CLIP4: variants seen among roughly 807,000 people sequenced by gnomAD.
CLIP4 encodes the protein CAP-Gly domain-containing linker protein 4.
In CLIP4, 47 loss-of-function variants were observed where a neutral mutation model predicts 73.1. The ratio of observed to expected loss-of-function variants is 0.64; its 90% CI spans 0.51 to 0.82. The LOEUF is 0.82. CLIP4 is among the 40% of genes least tolerant of loss of function. The probability of loss-of-function intolerance (pLI) is 0.00; values close to 1 mark genes in which losing one functional copy is unlikely to be tolerated. For synonymous variants in CLIP4, 306 were observed against 295.4 expected (o/e 1.04, Z -0.37); for missense variants, 874 against 852.9 (o/e 1.02, Z -0.31).
At chr2:29,138,710 TC>T (rs1373899105) in intron 6 of CLIP4, among the ~76,000 whole-genome samples, 1 of 152,124 alleles carries the variant, frequency 6.6e-6, no homozygotes, top group Non-Finnish European at 1.5e-5. Context: ...AGATCTTCCA[TC>T]TCCTTGGTTA....
intron 2 of CLIP4, chr2:29,130,597 G>A: frequency 9.0e-7 from 1 of 1,114,756 alleles, no homozygotes; most frequent in African/African-American, 1.7e-5. Context: ...GGTTTGTCTT[G>A]GCTTCTATTT....
At chr2:29,178,768 C>T (rs910924018) in intron 15 of CLIP4, among the ~76,000 whole-genome samples, 21 of 152,098 alleles carry the variant, frequency 1.4e-4, no homozygotes, top group Admixed American at 7.2e-4. Flanking sequence ...TCTTTCTCTG[C>T]ATATATGTGT....
chr2:29,124,608 ACTG>A (rs1664478597), intron 2 of CLIP4, among the ~76,000 whole-genome samples: 2 of 32,532 alleles, frequency 6.1e-5, no homozygotes, highest in East Asian at 4.2e-3. Context: ...CCCATAACTC[ACTG>A]ATTTATTTTA....
chr2:29,149,451 C>T (rs139025885), intron 8 of CLIP4, among the ~76,000 whole-genome samples: 81 of 140,828 alleles, frequency 5.8e-4, no homozygotes, highest in African/African-American at 2.1e-3. Flanking sequence ...ATTTTTATTC[C>T]TTACCGATAT....
intron 14 of CLIP4, among the ~76,000 whole-genome samples, chr2:29,173,610 G>A (rs759787232): frequency 6.6e-6 from 1 of 152,136 alleles, no homozygotes; most frequent in Non-Finnish European, 1.5e-5. Flanking sequence ...TTGAAATTGT[G>A]CCTTTTGTGT....
At chr2:29,154,007 A>G (rs887919120) in intron 9 of CLIP4, among the ~76,000 whole-genome samples, 6 of 152,194 alleles carry the variant, frequency 3.9e-5, no homozygotes, top group African/African-American at 1.4e-4. Context: ...AATCAATGGG[A>G]AAGAACTGAC....
At chr2:29,179,971 T>C (rs1668553520) in intron 15 of CLIP4, among the ~76,000 whole-genome samples, 1 of 152,226 alleles carries the variant, frequency 6.6e-6, no homozygotes, top group Non-Finnish European at 1.5e-5. Flanking sequence ...AAATTAGTCA[T>C]CTTCCTTTCT....
intron 1 of CLIP4, among the ~76,000 whole-genome samples, chr2:29,117,997 A>G (rs1004228632): frequency 1.3e-5 from 2 of 152,234 alleles, no homozygotes; most frequent in African/African-American, 4.8e-5. Context: ...ATACCTGTTT[A>G]GTAGATTGTA....
intron 9 of CLIP4, among the ~76,000 whole-genome samples, chr2:29,155,185 C>T (rs1229650360): frequency 6.6e-6 from 1 of 152,140 alleles, no homozygotes; most frequent in African/African-American, 2.4e-5. Flanking sequence ...GTAGTCCCAG[C>T]TACTCTAGAG....
intron 2 of CLIP4, chr2:29,130,642 A>G: frequency 8.9e-7 from 1 of 1,122,138 alleles, no homozygotes; most frequent in Non-Finnish European, 1.1e-6. Context: ...TTGTTGTCTA[A>G]GCTTACGAAT....
At chr2:29,176,224 C>T (rs1490783938) in intron 15 of CLIP4, among the ~76,000 whole-genome samples, 2 of 152,170 alleles carry the variant, frequency 1.3e-5, no homozygotes, top group South Asian at 2.1e-4. Flanking sequence ...GGGCAGTGCT[C>T]GATGGCCTTC....
intron 9 of CLIP4, among the ~76,000 whole-genome samples, chr2:29,155,171 A>C (rs186191336): frequency 1.6e-3 from 237 of 152,254 alleles, no homozygotes; most frequent in Non-Finnish European, 2.9e-3. Flanking sequence ...TGTGGTGCAC[A>C]CCTGTAGTCC....
chr2:29,154,788 T>C (rs938830131), intron 9 of CLIP4, among the ~76,000 whole-genome samples: 1 of 152,136 alleles, frequency 6.6e-6, no homozygotes, highest in Non-Finnish European at 1.5e-5. Context: ...ACTACTGGGC[T>C]GCACAGCACA....
intron 8 of CLIP4, among the ~76,000 whole-genome samples, chr2:29,145,953 A>T (rs922407240): frequency 1.3e-5 from 2 of 152,216 alleles, no homozygotes; most frequent in Non-Finnish European, 2.9e-5. Context: ...AAGTGCAGGG[A>T]TTACAGGCAT....
chr2:29,131,489 G>C, intron 3 of CLIP4, 92 bp downstream of exon 3: 2 of 1,343,138 alleles, frequency 1.5e-6, no homozygotes, highest in South Asian at 3.0e-5. Context: ...GGTAATAAAG[G>C]AGAAACCCTT....
rs539517105 is a variant in CLIP4, at chr2:29,098,084, T to C, written c.-16+137T>C. Reference sequence around the variant, plus strand: ...ATGAGTGTGGGTTTCAGTAACTGGATATATAATGAGGCAACTTTGACATAT... The same window carrying C: ...ATGAGTGTGGGTTTCAGTAACTGGACATATAATGAGGCAACTTTGACATAT... On this transcript the variant is annotated intron_variant, in intron 1 of 14. Transcript: ENST00000401605. 2.6e-5 allele frequency: 4 copies of C among 152,330 alleles called. No homozygotes were observed. In the South Asian group the frequency reaches 6.2e-4, roughly 24 times the overall value. 9.4% of individuals were successfully genotyped at this position (152,330 alleles called of 1,614,324 possible). A position where few individuals can be genotyped will look rare whatever the true frequency, so the allele number is the denominator to read the frequency against.
chr2:29,113,027 C>T (rs1668422791), upstream of CLIP4, among the ~76,000 whole-genome samples: 1 of 152,216 alleles, frequency 6.6e-6, no homozygotes. This position sits in a 1 kb window ranked among gnomAD's most constrained non-coding sequence, Gnocchi z 4.0. Context: ...CCCCCAAAGA[C>T]AGCCTGTGTA....
upstream of CLIP4, among the ~76,000 whole-genome samples, chr2:29,111,102 C>T (rs1668376360): frequency 6.6e-6 from 1 of 152,114 alleles, no homozygotes; most frequent in South Asian, 2.1e-4. Context: ...GAGGCATATC[C>T]AGGAGGGTGA....
intron 2 of CLIP4, among the ~76,000 whole-genome samples, chr2:29,126,974 TG>T (rs1161581817): frequency 6.6e-6 from 1 of 152,176 alleles, no homozygotes; most frequent in African/African-American, 2.4e-5. Flanking sequence ...AATCTGATAA[TG>T]GGCGTACTTA....
Sources: gnomAD v4.1 joint callset for allele counts (sites outside exome capture counted in the v4.1 genomes callset) on GRCh38, gnomAD v4.1.1 for gene constraint, Gnocchi (gnomAD v3.1) non-coding constraint, MANE v1.5 for transcripts, NCBI Gene and HGNC (gene_info 2026-07-23, HGNC 2026-07-21) for gene names.